The following DYNC1H1 variants were observed in gnomAD, a reference collection of about 807,000 sequenced individuals.
The protein encoded by DYNC1H1 is cytoplasmic dynein 1 heavy chain 1.
A neutral mutation model predicts 527.1 loss-of-function variants in DYNC1H1; 51 were observed. The ratio of observed to expected loss-of-function variants is 0.10; its 90% confidence interval spans 0.08 to 0.12. DYNC1H1 has a LOEUF of 0.12. DYNC1H1 is among the 10% of genes least tolerant of loss of function. The pLI is 1.00. For missense variants in DYNC1H1, 2,771 were observed against 5,971.8 expected (o/e 0.46, Z 17.66); for synonymous variants, 2,189 against 2,278.8 (o/e 0.96, Z 1.12).
At position 102,033,568 on chromosome 14, in the gene DYNC1H1, G is replaced by A; in HGVS notation, c.10413+84G>A. ...CTTCAACATGCGCTGCATGCACCAT[G>A]CTGGCCTCGGTGAATTCGCTCTTTA... On this transcript the variant is annotated intron_variant, in intron 54 of 77. Coordinates refer to ENST00000360184, the MANE Select transcript of DYNC1H1 (RefSeq NM_001376.5). The surrounding 1 kb of genome is among the most constrained non-coding windows in gnomAD (Gnocchi z 5.6). 1.9e-6 allele frequency: 3 copies of A among 1,547,862 alleles called. No individual in the cohort carries two copies. Among genetic ancestry groups the A allele is most frequent in the Non-Finnish European group, 2.6e-6 (3 of 1,137,308 alleles).
intron 43 of DYNC1H1, among the ~76,000 whole-genome samples, chr14:102,024,219 T>C (rs1209940831): frequency 2.0e-5 from 3 of 152,260 alleles, no homozygotes; most frequent in Non-Finnish European, 2.9e-5. Flanking sequence ...ATGTTTCATA[T>C]GCTAAAATGC....
intron 43 of DYNC1H1, among the ~76,000 whole-genome samples, chr14:102,026,155 C>T (rs1159560223): frequency 4.0e-5 from 6 of 150,742 alleles, no homozygotes; most frequent in Admixed American, 2.0e-4. Flanking sequence ...TGGTTCTTTT[C>T]TGGAGGGATC....
Position 101,997,353 on chromosome 14 carries a change from G to A in DYNC1H1, c.3804+79G>A. 2 of 1,606,018 alleles carry A rather than the reference G, an allele frequency of 1.2e-6. No homozygotes were observed. The highest frequency in any genetic ancestry group is 1.3e-5 in the African/African-American group (1 of 74,912). On this transcript the variant is annotated intron_variant, in intron 16 of 77. Coordinates refer to ENST00000360184, the MANE Select transcript of DYNC1H1 (RefSeq NM_001376.5). The surrounding 1 kb of genome is among the most constrained non-coding windows in gnomAD (Gnocchi z 4.8). ...GGTGACTTTCTTTCAAGCCTAAAAG[G>A]CCTTGCTGTGACTGAGCTTTCTAGT...
intron 11 of DYNC1H1, among the ~76,000 whole-genome samples, chr14:101,993,899 A>G (rs1338887586): frequency 6.6e-6 from 1 of 152,210 alleles, no homozygotes; most frequent in Non-Finnish European, 1.5e-5. Context: ...CTGGCACATA[A>G]CAGGCACTCA....
chr14:101,968,727 CATT>C (rs942089174), intron 1 of DYNC1H1, among the ~76,000 whole-genome samples: 8 of 150,538 alleles, frequency 5.3e-5, no homozygotes, highest in African/African-American at 9.8e-5. Context: ...ACGCCTGGCT[CATT>C]GTTGTATTTT....
chr14:101,981,677 T>C (rs2141271133), intron 5 of DYNC1H1, among the ~76,000 whole-genome samples: 1 of 152,340 alleles, frequency 6.6e-6, no homozygotes, highest in East Asian at 1.9e-4. Context: ...TCCGGTTACT[T>C]AGATCACATT....
chr14:102,011,330 G>A lies in DYNC1H1; in HGVS notation c.6618+378G>A, dbSNP rs1472762124. ...GTATTGGCTTCTTTCCTTCCTCTAT[G>A]TGATTCATTTAAGAAAAAGTTTATT... is the stretch of plus-strand genomic sequence containing the variant. On this transcript the variant is annotated intron_variant, in intron 32 of 77. Coordinates refer to ENST00000360184, the MANE Select transcript of DYNC1H1 (RefSeq NM_001376.5). This position sits in a 1 kb window ranked among gnomAD's most constrained non-coding sequence, Gnocchi z 5.3. The A allele has an allele frequency of 2.8e-6, 1 of 362,038 alleles. No homozygotes were observed. The highest frequency in any genetic ancestry group is 2.1e-5 in the African/African-American group (1 of 47,156). 22.4% of individuals were successfully genotyped at this position (362,038 alleles called of 1,614,324 possible).
At chr14:101,980,713 A>G (rs911749884) in intron 5 of DYNC1H1, among the ~76,000 whole-genome samples, 163 bp downstream of exon 5, 1 of 152,206 alleles carries the variant, frequency 6.6e-6, no homozygotes, top group Non-Finnish European at 1.5e-5. Flanking sequence ...GTTCCAAGTA[A>G]TGAAAATTAT....
At chr14:102,048,733 C>T in intron 74 of DYNC1H1, 64 bp downstream of exon 74, 1 of 1,584,456 alleles carries the variant, frequency 6.3e-7, no homozygotes, top group Non-Finnish European at 8.6e-7. Flanking sequence ...GGCCACAACC[C>T]AGCCCAGCCA....
chr14:101,976,174 T>C (rs1234866150), intron 2 of DYNC1H1, among the ~76,000 whole-genome samples: 1 of 151,304 alleles, frequency 6.6e-6, no homozygotes, highest in Non-Finnish European at 1.5e-5. Context: ...CCCAAAGTGC[T>C]AGGATTACAG....
chr14:101,978,381 C>T lies in DYNC1H1; in HGVS notation c.345-938C>T, dbSNP rs574578315. Among the ~76,000 whole-genome samples, 74 of 152,262 alleles carry T rather than the reference C, an allele frequency of 4.9e-4. 1 individual carries two copies. The highest frequency in any genetic ancestry group is 1.7e-3 in the African/African-American group (72 of 41,552). ...AGAGATGTGGTTTCGCCATGTTGGC[C>T]AGGCTGGTCTCGAACTCCTGACCTC... On this transcript the variant is annotated intron_variant, in intron 2 of 77. Transcript: ENST00000360184.
chr14:102,050,909 T>C lies in DYNC1H1; in HGVS notation c.*346T>C, dbSNP rs905556415. On this transcript the variant is annotated 3_prime_UTR_variant, in exon 78 of 78. Coordinates refer to ENST00000360184, the MANE Select transcript of DYNC1H1 (RefSeq NM_001376.5). ...GCCCCTCCCCACCTCGCTTTCATCA[T>C]GAGCTCGCTCCCGAGCGGCCACAGC... is the stretch of plus-strand genomic sequence containing the variant. 2.7e-6 allele frequency: 1 copy of C among 368,322 alleles called. No homozygotes were observed. Among genetic ancestry groups the C allele is most frequent in the Middle Eastern group, 9.3e-4 (1 of 1,076 alleles). The allele number at this position is 368,322 out of a possible 1,614,324, so 22.8% of individuals were successfully genotyped here.
Position 101,980,041 on chromosome 14 carries a change from T to C in DYNC1H1, c.774+67T>C, listed in dbSNP as rs192877043. The C allele has an allele frequency of 1.7e-5, 28 of 1,609,460 alleles. No homozygotes were observed. The South Asian group carries it at 2.0e-4, about 11-fold the overall frequency. On this transcript the variant is annotated intron_variant, in intron 4 of 77. Coordinates refer to ENST00000360184, the MANE Select transcript of DYNC1H1 (RefSeq NM_001376.5). ...TTTAATATCTTTGGGAAAACTGATC[T>C]GGATTTTGTAAGTGAGGTAAATTAT...
At chr14:102,021,637 C>T (rs2152585603) in intron 42 of DYNC1H1, among the ~76,000 whole-genome samples, 1 of 141,952 alleles carries the variant, frequency 7.0e-6, no homozygotes, top group Non-Finnish European at 1.5e-5. Flanking sequence ...ATCACAGTTC[C>T]CATTTCTTTT....
At chr14:101,981,062 A>G (rs543142845) in intron 5 of DYNC1H1, among the ~76,000 whole-genome samples, 1 of 152,280 alleles carries the variant, frequency 6.6e-6, no homozygotes, top group East Asian at 1.9e-4. Context: ...TGAGTGGAGA[A>G]CAGTGCCAGT....
At chr14:102,045,602 T>TTCTG (rs2048707735) in intron 72 of DYNC1H1, among the ~76,000 whole-genome samples, 1 of 151,772 alleles carries the variant, frequency 6.6e-6, no homozygotes, top group African/African-American at 2.4e-5. Context: ...CAGAACAAGA[T>TTCTG]TCTGTCTCAA....
chr14:101,970,470 GTTGTTTTTTTTTTT>G (rs1034596429), intron 1 of DYNC1H1, among the ~76,000 whole-genome samples: 10 of 96,310 alleles, frequency 1.0e-4, no homozygotes, highest in African/African-American at 4.3e-4. Context: ...TTGGTTTGTT[GTTGTTTTTTTTTTT>G]TTTTTTTTTT....
At chr14:101,990,830 G>A (rs1186138102) in intron 10 of DYNC1H1, among the ~76,000 whole-genome samples, 3 of 152,030 alleles carry the variant, frequency 2.0e-5, no homozygotes, top group Admixed American at 1.3e-4. Flanking sequence ...CCAACATGGT[G>A]AAACCCCATC....
At chr14:101,973,097 C>G (rs1242175441) in intron 1 of DYNC1H1, among the ~76,000 whole-genome samples, 1 of 151,868 alleles carries the variant, frequency 6.6e-6, no homozygotes, top group Non-Finnish European at 1.5e-5. Context: ...ATCTGGCATA[C>G]TAGAATGTTC....
Sources: gnomAD v4.1 joint callset for allele counts (sites outside exome capture counted in the v4.1 genomes callset) on GRCh38, gnomAD v4.1.1 for gene constraint, Gnocchi (gnomAD v3.1) non-coding constraint, MANE v1.5 for transcripts, NCBI Gene and HGNC (gene_info 2026-07-23, HGNC 2026-07-21) for gene names.